CFHR5: variants seen among roughly 807,000 people sequenced by gnomAD.
CFHR5 encodes the protein complement factor H-related protein 5.
Under a neutral mutation model 62.9 loss-of-function variants are expected in CFHR5, and 73 were observed. That is an observed-to-expected ratio of 1.16 (90% CI 0.96 to 1.41). CFHR5 has a LOEUF of 1.41. Among genes scored for constraint, CFHR5 ranks in the 40% most tolerant of loss-of-function variants. CFHR5 has a pLI of 0.00. For synonymous variants in CFHR5, 249 were observed against 227.2 expected, an observed-to-expected ratio of 1.10 and a Z score of -0.86; for missense variants, 779 against 679.9, an observed-to-expected ratio of 1.15 and a Z score of -1.62.
chr1:196,995,599 C>T (rs2125034574), intron 4 of CFHR5, 118 bp from the exon 5 acceptor site: 1 of 819,874 alleles, frequency 1.2e-6, no homozygotes, highest in Non-Finnish European at 2.1e-6. Context: ...AACACATGTC[C>T]CCAAAAATAG....
At chr1:196,993,963 C>A in intron 3 of CFHR5, 117 bp from the exon 4 acceptor site, 1 of 794,982 alleles carries the variant, frequency 1.3e-6, no homozygotes. Flanking sequence ...TTCTCGAAGG[C>A]AAGAATATAT....
intron 3 of CFHR5, among the ~76,000 whole-genome samples, chr1:196,988,941 A>C (rs778152692): frequency 6.6e-6 from 1 of 152,144 alleles, no homozygotes; most frequent in African/African-American, 2.4e-5. Context: ...TTTCAGAAGG[A>C]ATGTGACCAG....
At chr1:197,006,003 T>A (rs77780632) in intron 9 of CFHR5, among the ~76,000 whole-genome samples, 1,740 of 152,180 alleles carry the variant, frequency 0.011, 36 homozygotes, top group African/African-American at 0.038. Context: ...AAAAACTAGG[T>A]TTCAAAGATA....
chr1:196,985,524 C>G (rs573132763), intron 3 of CFHR5, among the ~76,000 whole-genome samples: 19 of 151,992 alleles, frequency 1.3e-4, no homozygotes, highest in African/African-American at 4.6e-4. Context: ...GTTACTAACA[C>G]TAGAAAATTC....
intron 8 of CFHR5, among the ~76,000 whole-genome samples, chr1:197,004,281 A>G (rs1313808028): frequency 6.6e-6 from 1 of 152,190 alleles, no homozygotes; most frequent in East Asian, 1.9e-4. Flanking sequence ...CAAGTTTATG[A>G]TCATATACTA....
chr1:196,989,819 T>C (rs1225100995), intron 3 of CFHR5, among the ~76,000 whole-genome samples: 2 of 152,186 alleles, frequency 1.3e-5, no homozygotes, highest in Non-Finnish European at 2.9e-5. Flanking sequence ...ATAAGTGCTA[T>C]GTGATGCTGA....
chr1:196,992,676 T>C (rs1653879028), intron 3 of CFHR5, among the ~76,000 whole-genome samples: 1 of 152,154 alleles, frequency 6.6e-6, no homozygotes, highest in Non-Finnish European at 1.5e-5. Context: ...CAAGATCAAT[T>C]ATTTTCAATG....
At chr1:196,988,630 C>G (rs148115034) in intron 3 of CFHR5, among the ~76,000 whole-genome samples, 1 of 151,840 alleles carries the variant, frequency 6.6e-6, no homozygotes, top group Non-Finnish European at 1.5e-5. Flanking sequence ...GAGATAATCA[C>G]GTGTTTTTGT....
chr1:196,985,500 A>C (rs1485505341), intron 3 of CFHR5, among the ~76,000 whole-genome samples: 1 of 152,192 alleles, frequency 6.6e-6, no homozygotes, highest in Non-Finnish European at 1.5e-5. Context: ...TTGCAAAAAA[A>C]AAAAATAACA....
At chr1:196,985,026 T>C (rs60002789) in intron 3 of CFHR5, among the ~76,000 whole-genome samples, 27,692 of 152,196 alleles carry the variant, frequency 0.18, 2,921 homozygotes, top group Middle Eastern at 0.34. Flanking sequence ...CACAGTTCTG[T>C]ACTGGGTGAT....
chr1:197,007,577 A>G (rs902220576), intron 9 of CFHR5, among the ~76,000 whole-genome samples: 1 of 150,984 alleles, frequency 6.6e-6, no homozygotes, highest in African/African-American at 2.4e-5. Flanking sequence ...ACAAGTGTAT[A>G]ATTACATATA....
rs750591824 is a variant in CFHR5 at position 196,995,760 on chromosome 1, T to A, written c.651T>A (p.Gly217=). Residue 217 remains glycine, a synonymous_variant, in exon 5 of 10, where the codon GGT becomes GGA. Transcript: ENST00000256785. ...SCGPPPQLSN[G]EVKEIRKEEY... ...GTCCACCTCCTCAACTCTCCAATGGTGAAGTTAAGGAGATAAGAAAAGAGG... is the reference window on the plus strand; with the variant it reads ...GTCCACCTCCTCAACTCTCCAATGGAGAAGTTAAGGAGATAAGAAAAGAGG... The A allele has an allele frequency of 6.2e-7, 1 of 1,612,986 alleles. No individual in the cohort carries two copies. The highest frequency in any genetic ancestry group is 1.1e-5 in the South Asian group (1 of 91,060).
chr1:197,002,489 G>T lies in CFHR5; in HGVS notation c.1155G>T (p.Arg385Ser), dbSNP rs141358257. ...WNPEVDCTEK[R>S]EQFCPPPPQI... ...AATTCCAATATTTTGTAGAAAAAAG[G>T]GAACAATTCTGCCCACCGCCACCTC... Residue 385 changes from arginine (R) to serine (S), a missense_variant, in exon 8 of 10, where the codon AGG (arginine) becomes AGT (serine). Coordinates refer to ENST00000256785, the MANE Select transcript of CFHR5 (RefSeq NM_030787.4). The T allele has an allele frequency of 2.3e-4, 365 of 1,611,880 alleles. 1 individual carries two copies. In the South Asian group the frequency reaches 3.8e-3, roughly 17 times the overall value.
chr1:197,001,755 A>G (rs1011951541), intron 7 of CFHR5, among the ~76,000 whole-genome samples: 1 of 119,384 alleles, frequency 8.4e-6, no homozygotes, highest in East Asian at 2.7e-4. Flanking sequence ...TCCTGTGTCC[A>G]TGTGTTCTCA....
At chr1:196,999,722 T>TATATATATATATAC (rs1164729053) in intron 7 of CFHR5, among the ~76,000 whole-genome samples, 3 of 116,194 alleles carry the variant, frequency 2.6e-5, no homozygotes, top group African/African-American at 1.0e-4. Context: ...TATATATATA[T>TATATATATATATAC]ACACACACAC....
Position 197,009,035 on chromosome 1 carries a change from G to A in CFHR5, c.*352G>A. The A allele has an allele frequency of 4.8e-6, 1 of 206,272 alleles. No individual in the cohort carries two copies. Among genetic ancestry groups the A allele is most frequent in the South Asian group, 8.3e-5 (1 of 12,028 alleles). The allele number at this position is 206,272 out of a possible 1,614,324, so 12.8% of individuals were successfully genotyped here. On this transcript the variant is annotated 3_prime_UTR_variant, in exon 10 of 10. Transcript: ENST00000256785. ...TCGAAGCATCATAATATGCTGGAAG[G>A]CATCACAACATGGTGGAAGGGATCA...
chr1:197,002,813 A>C lies in CFHR5; in HGVS notation c.1330+149A>C, dbSNP rs1292186624. 6 of 673,032 alleles carry C rather than the reference A, an allele frequency of 8.9e-6. No homozygotes were observed. In the African/African-American group the frequency reaches 1.1e-4, roughly 12 times the overall value. The allele number at this position is 673,032 out of a possible 1,614,324, so 41.7% of individuals were successfully genotyped here. ...GCTAAGTAACCAATTCTGTCATTTA[A>C]AAAAGTTTCTCTAAGAGTTATCTCC... On this transcript the variant is annotated intron_variant, in intron 8 of 9. Transcript: ENST00000256785.
chr1:196,982,443 G>T (rs1271395886), intron 1 of CFHR5, among the ~76,000 whole-genome samples: 1 of 152,148 alleles, frequency 6.6e-6, no homozygotes, highest in African/African-American at 2.4e-5. Flanking sequence ...AGGCCGAGGC[G>T]CATGGATCAC....
intron 3 of CFHR5, among the ~76,000 whole-genome samples, chr1:196,984,878 T>C (rs1653640147): frequency 6.6e-6 from 1 of 152,162 alleles, no homozygotes; most frequent in Non-Finnish European, 1.5e-5. Context: ...TAGTCTCAAC[T>C]AAAGAAGACC....
Sources: allele counts gnomAD v4.1 joint callset (sites outside exome capture counted in the v4.1 genomes callset), GRCh38; gene constraint gnomAD v4.1.1; transcripts MANE v1.5; gene names NCBI Gene and HGNC (gene_info 2026-07-23, HGNC 2026-07-21).